MAD1L1: variants seen among roughly 807,000 people sequenced by gnomAD.
MAD1L1 encodes mitotic spindle assembly checkpoint protein MAD1.
A neutral mutation model predicts 96.9 loss-of-function variants in MAD1L1; 95 were observed. The observed-to-expected ratio is 0.98, with a 90% CI of 0.83 to 1.16. The LOEUF is 1.16. MAD1L1 is among the 50% of genes most tolerant of loss of function. The pLI is 0.00. For missense variants in MAD1L1, 1,007 were observed against 954.4 expected, an observed-to-expected ratio of 1.06 and a Z score of -0.73; for synonymous variants, 473 against 396.6, an observed-to-expected ratio of 1.19 and a Z score of -2.29.
intron 5 of MAD1L1, among the ~76,000 whole-genome samples, chr7:2,220,371 C>T (rs2115004686): frequency 6.6e-6 from 1 of 152,352 alleles, no homozygotes; most frequent in South Asian, 2.1e-4. Flanking sequence ...ACCAGGCGAC[C>T]TTCTGAGGAC....
chr7:2,079,595 A>G, intron 11 of MAD1L1: 1 of 470,014 alleles, frequency 2.1e-6, no homozygotes, highest in Non-Finnish European at 4.4e-6. Context: ...CACGGCAAAT[A>G]CTCTCATCTG....
At chr7:1,842,448 T>C (rs1285632664) in intron 18 of MAD1L1, among the ~76,000 whole-genome samples, 1 of 152,198 alleles carries the variant, frequency 6.6e-6, no homozygotes, top group Non-Finnish European at 1.5e-5. Context: ...AAAGGGCAAC[T>C]CTTGGCAGCT....
chr7:1,986,566 A>G (rs941313391), intron 14 of MAD1L1, among the ~76,000 whole-genome samples: 4 of 100,754 alleles, frequency 4.0e-5, no homozygotes, highest in African/African-American at 5.5e-5. Flanking sequence ...CGGCTCCCTC[A>G]TGGAGCTGCC....
intron 10 of MAD1L1, among the ~76,000 whole-genome samples, chr7:2,177,072 C>T (rs939928629): frequency 1.9e-4 from 26 of 133,598 alleles, no homozygotes; most frequent in South Asian, 9.6e-4. Flanking sequence ...TCTGTCAATG[C>T]CTTCACATTC....
intron 12 of MAD1L1, among the ~76,000 whole-genome samples, chr7:2,066,951 T>A (rs1784901745): frequency 6.6e-6 from 1 of 152,228 alleles, no homozygotes. Context: ...TCCCAAGGGA[T>A]GAGCCTCAGC....
chr7:1,840,171 C>G (rs1295588546), intron 18 of MAD1L1, among the ~76,000 whole-genome samples: 1 of 152,196 alleles, frequency 6.6e-6, no homozygotes, highest in Non-Finnish European at 1.5e-5. Context: ...TGGCCTGGAG[C>G]CCGAGGCCTA....
intron 10 of MAD1L1, among the ~76,000 whole-genome samples, chr7:2,190,985 A>G (rs746666084): frequency 6.6e-6 from 1 of 152,248 alleles, no homozygotes; most frequent in Non-Finnish European, 1.5e-5. Context: ...CCCAAGAGAC[A>G]GGAAAACATA....
chr7:2,207,085 A>AG (rs956433510), intron 10 of MAD1L1, among the ~76,000 whole-genome samples: 1 of 152,128 alleles, frequency 6.6e-6, no homozygotes, highest in African/African-American at 2.4e-5. Flanking sequence ...CTCAAAAAAA[A>AG]AAAAAAAAAA....
At chr7:1,953,174 G>A (rs1357137163) in intron 16 of MAD1L1, among the ~76,000 whole-genome samples, 1 of 152,184 alleles carries the variant, frequency 6.6e-6, no homozygotes, top group Non-Finnish European at 1.5e-5. Context: ...ACGGACCAGG[G>A]ATGTGAGGTA....
In MAD1L1 at chr7:1,815,976, G is replaced by A. The variant is rs1462800663; in HGVS notation, c.*94C>T. On this transcript the variant is annotated 3_prime_UTR_variant, in exon 19 of 19. Coordinates refer to ENST00000265854, the MANE Select transcript of MAD1L1 (RefSeq NM_001013836.2). ...TGCTGCTGCCCTGTGGGGCTGGAGA[G>A]GCAGGACGTGCACCCAGCCTGTGGC... 1 of 1,378,620 alleles carries A rather than the reference G, an allele frequency of 7.3e-7. No homozygotes were observed. The highest frequency in any genetic ancestry group is 9.7e-7 in the Non-Finnish European group (1 of 1,026,128). 85.4% of individuals were successfully genotyped at this position (1,378,620 alleles called of 1,614,324 possible). A position where few individuals can be genotyped will look rare whatever the true frequency, so the allele number is the denominator to read the frequency against.
At chr7:2,118,336 C>T (rs1787815532) in intron 11 of MAD1L1, among the ~76,000 whole-genome samples, 1 of 152,230 alleles carries the variant, frequency 6.6e-6, no homozygotes, top group African/African-American at 2.4e-5. Context: ...CACAGATCTA[C>T]ACGGCACACT....
At position 1,854,035 on chromosome 7, in the gene MAD1L1, C is replaced by G. The variant is rs548602446; in HGVS notation, c.1999-37807G>C. 4.6e-5 allele frequency among the ~76,000 whole-genome samples: 7 copies of G among 152,366 alleles called. No individual in the cohort carries two copies. In the South Asian group the frequency reaches 1.4e-3, roughly 32 times the overall value. On this transcript the variant is annotated intron_variant, in intron 18 of 18. Coordinates refer to ENST00000265854, the MANE Select transcript of MAD1L1 (RefSeq NM_001013836.2). Reference sequence around the variant, plus strand: ...ACTGGGAGCTTCACGATTAATATCACTCATTGTGAAGGGTAATTACCAGCT... The same window carrying G: ...ACTGGGAGCTTCACGATTAATATCAGTCATTGTGAAGGGTAATTACCAGCT...
intron 11 of MAD1L1, among the ~76,000 whole-genome samples, chr7:2,101,997 C>G (rs1333266703): frequency 6.6e-6 from 1 of 152,178 alleles, no homozygotes; most frequent in Non-Finnish European, 1.5e-5. Flanking sequence ...GCAGATCACA[C>G]AGCCTCGCTG....
At chr7:1,859,341 G>A (rs940637685) in intron 18 of MAD1L1, among the ~76,000 whole-genome samples, 3 of 152,172 alleles carry the variant, frequency 2.0e-5, no homozygotes, top group South Asian at 2.1e-4. Context: ...TCTCCATATC[G>A]GCCCTTCCAG....
At chr7:1,825,515 G>A (rs1782343209) in intron 18 of MAD1L1, among the ~76,000 whole-genome samples, 1 of 152,276 alleles carries the variant, frequency 6.6e-6, no homozygotes, top group Non-Finnish European at 1.5e-5. Context: ...GGCTGCTGCT[G>A]AGGTGTGAGA....
At chr7:2,170,253 C>A (rs552863462) in intron 10 of MAD1L1, among the ~76,000 whole-genome samples, 1 of 152,266 alleles carries the variant, frequency 6.6e-6, no homozygotes, top group Non-Finnish European at 1.5e-5. Context: ...CAAGGCAGCA[C>A]ACGTGCACAT....
intron 15 of MAD1L1, among the ~76,000 whole-genome samples, chr7:1,978,960 T>C (rs1038789214): frequency 2.0e-5 from 3 of 152,362 alleles, no homozygotes; most frequent in South Asian, 4.1e-4. Context: ...GCACAGCCCA[T>C]GCATGAGGAA....
In MAD1L1 at chr7:1,827,062, G is replaced by C. The variant is rs866371912; in HGVS notation, c.1999-10834C>G. On this transcript the variant is annotated intron_variant, in intron 18 of 18. Transcript: ENST00000265854. ...CTCCTGCAGCCGCAGCCGGAGGGGA[G>C]CCGAGGGAGTGGGGGCGCCGGCTCG... Among the ~76,000 whole-genome samples the C allele has an allele frequency of 5.9e-5, 9 of 152,362 alleles. No individual in the cohort carries two copies. In the South Asian group the frequency reaches 1.0e-3, roughly 18 times the overall value.
intron 13 of MAD1L1, among the ~76,000 whole-genome samples, chr7:2,010,925 C>G (rs938175193): frequency 6.6e-6 from 1 of 152,014 alleles, no homozygotes. Context: ...TGAACAGAGG[C>G]CAAGGGAGAG....
Sources: allele counts gnomAD v4.1 joint callset (sites outside exome capture counted in the v4.1 genomes callset), GRCh38; gene constraint gnomAD v4.1.1; transcripts MANE v1.5; gene names NCBI Gene and HGNC (gene_info 2026-07-23, HGNC 2026-07-21).